CPLX1: variants seen among roughly 807,000 people sequenced by gnomAD.
CPLX1 encodes the protein complexin-1.
A neutral mutation model predicts 15.6 loss-of-function variants in CPLX1; 6 were observed. That is an observed-to-expected ratio of 0.39 (90% confidence interval 0.21 to 0.76). The LOEUF (loss-of-function observed/expected upper bound fraction) is 0.76. Ranked by LOEUF, CPLX1 falls within the 30% of genes least tolerant of loss-of-function variation. CPLX1 has a pLI of 0.43. For missense variants in CPLX1, 242 were observed against 188.6 expected (o/e 1.28, Z -1.66); for synonymous variants, 91 against 75.2 (o/e 1.21, Z -1.08).
At chr4:817,970 G>A (rs1464352486) in intron 2 of CPLX1, among the ~76,000 whole-genome samples, 7 of 152,328 alleles carry the variant, frequency 4.6e-5, no homozygotes, top group Non-Finnish European at 1.0e-4. Context: ...CACTGGAGGC[G>A]CCACCGCCCT....
At chr4:802,969 T>A (rs1178747489) in intron 2 of CPLX1, among the ~76,000 whole-genome samples, 4 of 148,380 alleles carry the variant, frequency 2.7e-5, no homozygotes, top group Non-Finnish European at 6.0e-5. Context: ...AAAAAAAAAA[T>A]TCCAGAAAGC....
intron 2 of CPLX1, among the ~76,000 whole-genome samples, chr4:796,125 G>A (rs1746333411): frequency 6.6e-6 from 1 of 152,178 alleles, no homozygotes; most frequent in African/African-American, 2.4e-5. Context: ...AATGACAATG[G>A]CTGCATTCAA....
At chr4:798,022 T>A (rs1433353422) in intron 2 of CPLX1, among the ~76,000 whole-genome samples, 2 of 151,912 alleles carry the variant, frequency 1.3e-5, no homozygotes, top group Non-Finnish European at 2.9e-5. Flanking sequence ...CGCCTGTAAT[T>A]CCAGTACTTT....
intron 3 of CPLX1, chr4:787,331 C>G: frequency 1.0e-6 from 1 of 985,456 alleles, no homozygotes; most frequent in Non-Finnish European, 1.2e-6. Flanking sequence ...CTCACCGACC[C>G]CCTGCCCACC....
At chr4:789,240 C>T (rs6850257) in intron 3 of CPLX1, among the ~76,000 whole-genome samples, 30,377 of 152,018 alleles carry the variant, frequency 0.2, 3,159 homozygotes, top group Middle Eastern at 0.22. Context: ...CAGAGACAAA[C>T]GCCCAGGCAC....
chr4:799,328 G>A (rs1746407638), intron 2 of CPLX1, among the ~76,000 whole-genome samples: 1 of 152,244 alleles, frequency 6.6e-6, no homozygotes, highest in South Asian at 2.1e-4. Context: ...CTTCCACCAT[G>A]CCTATCCGAT....
At chr4:818,538 C>A (rs1055806480) in intron 2 of CPLX1, among the ~76,000 whole-genome samples, 1 of 152,272 alleles carries the variant, frequency 6.6e-6, no homozygotes, top group African/African-American at 2.4e-5. Context: ...CATTAGCTCA[C>A]CTGGGATGAG....
chr4:821,843 T>A (rs1746870352), intron 2 of CPLX1, among the ~76,000 whole-genome samples: 1 of 152,136 alleles, frequency 6.6e-6, no homozygotes, highest in African/African-American at 2.4e-5. Flanking sequence ...GAGCAGGCCC[T>A]GGGCCACTCA....
chr4:811,654 C>A (rs1448156064), intron 2 of CPLX1, among the ~76,000 whole-genome samples: 1 of 152,200 alleles, frequency 6.6e-6, no homozygotes, highest in Non-Finnish European at 1.5e-5. Flanking sequence ...TGTGTCTTGG[C>A]AAATGCTCCA....
chr4:791,603 G>C (rs1466830042), intron 3 of CPLX1, among the ~76,000 whole-genome samples: 1 of 152,188 alleles, frequency 6.6e-6, no homozygotes. Context: ...GCAGGGAGGG[G>C]TCCCGGGAGT....
intron 2 of CPLX1, among the ~76,000 whole-genome samples, chr4:823,468 C>T (rs1746911268): frequency 6.6e-6 from 1 of 152,228 alleles, no homozygotes; most frequent in South Asian, 2.1e-4. Flanking sequence ...CAGAAATGCT[C>T]CCAGGAGGCC....
intron 2 of CPLX1, 110 bp from the exon 3 acceptor site, chr4:792,718 A>G: frequency 1.7e-6 from 2 of 1,174,006 alleles, no homozygotes; most frequent in South Asian, 1.7e-5. Context: ...CCCTCCATCC[A>G]CTCGACCCTC....
intron 2 of CPLX1, among the ~76,000 whole-genome samples, chr4:796,292 G>A (rs1012090079): frequency 6.6e-6 from 1 of 152,146 alleles, no homozygotes; most frequent in Non-Finnish European, 1.5e-5. Context: ...CCGAGTGTTC[G>A]TCAAAGCTGA....
intron 2 of CPLX1, among the ~76,000 whole-genome samples, chr4:809,519 G>A (rs973291649): frequency 6.6e-6 from 1 of 152,208 alleles, no homozygotes; most frequent in African/African-American, 2.4e-5. Context: ...ACGGACACAT[G>A]GCCTGAGGGG....
rs970625326 is a variant in CPLX1 at position 824,618 on chromosome 4, T to G, written c.-79-17A>C. On this transcript the variant is annotated splice_polypyrimidine_tract_variant and intron_variant, in intron 1 of 3. Coordinates refer to ENST00000304062, the MANE Select transcript of CPLX1 (RefSeq NM_006651.4). ...GTGTTCTTCCTGGGGGAGAGTGAAGTGGTCACAGGTCACCCTAAGCAGGCC... is the reference window on the plus strand; with the variant it reads ...GTGTTCTTCCTGGGGGAGAGTGAAGGGGTCACAGGTCACCCTAAGCAGGCC... 1.3e-5 allele frequency: 18 copies of G among 1,346,204 alleles called. No individual in the cohort carries two copies. The highest frequency in any genetic ancestry group is 1.9e-5 in the Non-Finnish European group (18 of 938,710). The allele number at this position is 1,346,204 out of a possible 1,614,324, so 83.4% of individuals were successfully genotyped here.
intron 2 of CPLX1, among the ~76,000 whole-genome samples, chr4:816,673 T>G (rs1437231303): frequency 1.3e-5 from 2 of 151,662 alleles, no homozygotes; most frequent in Non-Finnish European, 2.9e-5. Context: ...AAAAAAAAAA[T>G]TAGCCAAGTG....
At chr4:823,698 G>A (rs11942504) in intron 2 of CPLX1, among the ~76,000 whole-genome samples, 51,234 of 152,120 alleles carry the variant, frequency 0.34, 8,799 homozygotes, top group Middle Eastern at 0.43. Flanking sequence ...CAGCTCTGCC[G>A]GGACACGTCT....
intron 2 of CPLX1, among the ~76,000 whole-genome samples, chr4:813,885 A>G (rs770655298): frequency 1.3e-5 from 2 of 152,244 alleles, no homozygotes; most frequent in Non-Finnish European, 2.9e-5. Context: ...GAAGACTTCC[A>G]ACAGCTTTTC....
At chr4:812,437 T>C (rs757317791) in intron 2 of CPLX1, among the ~76,000 whole-genome samples, 4 of 152,156 alleles carry the variant, frequency 2.6e-5, no homozygotes, top group Non-Finnish European at 5.9e-5. Flanking sequence ...TCTTGATTTT[T>C]TATCCAATCT....
Sources: allele counts gnomAD v4.1 joint callset (sites outside exome capture counted in the v4.1 genomes callset), GRCh38; gene constraint gnomAD v4.1.1; transcripts MANE v1.5; gene names NCBI Gene and HGNC (gene_info 2026-07-23, HGNC 2026-07-21).